CDH23: variants seen among roughly 807,000 people sequenced by gnomAD.
CDH23 encodes the protein cadherin-23.
In CDH23, 189 loss-of-function variants were observed where a neutral mutation model predicts 317.1. The ratio of observed to expected loss-of-function variants is 0.60; its 90% CI spans 0.53 to 0.67. The LOEUF is 0.67. Ranked by LOEUF, CDH23 falls within the 30% of genes least tolerant of loss-of-function variation. CDH23 has a pLI of 0.00. For missense variants in CDH23, 4,401 were observed against 4,592.4 expected, an observed-to-expected ratio of 0.96 and a Z score of 1.20; for synonymous variants, 1,839 against 1,876.8, an observed-to-expected ratio of 0.98 and a Z score of 0.52.
intron 2 of CDH23, among the ~76,000 whole-genome samples, chr10:71,443,320 G>C (rs913984348): frequency 6.6e-6 from 1 of 152,144 alleles, no homozygotes; most frequent in Non-Finnish European, 1.5e-5. Context: ...GATCCGGTGG[G>C]GACCTTCCCC....
At chr10:71,802,488 C>T (rs1341287263) in intron 53 of CDH23, among the ~76,000 whole-genome samples, 1 of 152,074 alleles carries the variant, frequency 6.6e-6, no homozygotes, top group Non-Finnish European at 1.5e-5. Flanking sequence ...TCAAGAGAAC[C>T]TTGGGGAATG....
rs1405491584 is a variant in CDH23 at position 71,675,104 on chromosome 10, T to A, written c.1450-8T>A. The A allele has an allele frequency of 6.2e-7, 1 of 1,613,580 alleles. No individual in the cohort carries two copies. Among genetic ancestry groups the A allele is most frequent in the Non-Finnish European group, 8.5e-7 (1 of 1,179,614 alleles). Reference sequence around the variant, plus strand: ...GGCAGTAATGACTTCTTGTTCTCGCTGTTGCAGGCAACTGACAATGATGCA... The same window carrying A: ...GGCAGTAATGACTTCTTGTTCTCGCAGTTGCAGGCAACTGACAATGATGCA... On this transcript the variant is annotated splice_region_variant and splice_polypyrimidine_tract_variant and intron_variant, in intron 14 of 69. Transcript: ENST00000224721.
chr10:71,459,324 G>A (rs983070387), intron 3 of CDH23, among the ~76,000 whole-genome samples: 1 of 151,954 alleles, frequency 6.6e-6, no homozygotes, highest in African/African-American at 2.4e-5. Context: ...TGAATCCTGA[G>A]CGCAAGCAGT....
At chr10:71,681,906 G>A (rs1430308859) in intron 17 of CDH23, among the ~76,000 whole-genome samples, 2 of 152,182 alleles carry the variant, frequency 1.3e-5, no homozygotes, top group African/African-American at 4.8e-5. Context: ...CCCAGTGCTG[G>A]GCAACTTCTG....
At chr10:71,614,460 C>G (rs1398208011) in intron 9 of CDH23, among the ~76,000 whole-genome samples, 1 of 152,186 alleles carries the variant, frequency 6.6e-6, no homozygotes, top group African/African-American at 2.4e-5. Context: ...GGTGGGGGCC[C>G]ATGCAGGACT....
chr10:71,574,950 A>C (rs1413745447), intron 8 of CDH23, among the ~76,000 whole-genome samples: 24 of 131,930 alleles, frequency 1.8e-4, no homozygotes, highest in South Asian at 5.0e-4. Context: ...GCCTCCCTCC[A>C]CCCCACCCCC....
At chr10:71,628,701 T>C (rs367883665) in intron 11 of CDH23, among the ~76,000 whole-genome samples, 7 of 152,300 alleles carry the variant, frequency 4.6e-5, no homozygotes, top group Non-Finnish European at 1.5e-5. Context: ...TTTCACCATG[T>C]CTACCAGGCT....
At position 71,751,267 on chromosome 10, in the gene CDH23, A is replaced by G; in HGVS notation, c.4845+9346A>G. The G allele has an allele frequency of 6.2e-7, 1 of 1,610,304 alleles. No homozygotes were observed. Among genetic ancestry groups the G allele is most frequent in the Non-Finnish European group, 8.5e-7 (1 of 1,177,982 alleles). ...CCCCAGCTGGGCTAGATGACCTCAA[A>G]GTTTGGAGAGTCAGGGACAGGGTCT... On this transcript the variant is annotated intron_variant, in intron 38 of 69. Coordinates refer to ENST00000224721, the MANE Select transcript of CDH23 (RefSeq NM_022124.6). The surrounding 1 kb of genome is among the most constrained non-coding windows in gnomAD (Gnocchi z 4.9).
At chr10:71,669,172 G>A (rs989275022) in intron 14 of CDH23, among the ~76,000 whole-genome samples, 10 of 152,210 alleles carry the variant, frequency 6.6e-5, no homozygotes, top group African/African-American at 2.4e-4. Context: ...TGATGGGGAG[G>A]CAGAGGCTTC....
chr10:71,735,246 G>A (rs549982391), intron 34 of CDH23, among the ~76,000 whole-genome samples: 5 of 152,288 alleles, frequency 3.3e-5, no homozygotes, highest in Admixed American at 1.3e-4. Context: ...GCCTGGGAGC[G>A]CTTAGGAAGG....
chr10:71,444,344 A>G lies in CDH23; in HGVS notation c.68-1974A>G, dbSNP rs987273135. On this transcript the variant is annotated intron_variant, in intron 2 of 69. Transcript: ENST00000224721. ...GGGTAAACTGAGACATGGGATGATC[A>G]TGTGGCTAGAAAGAGGCACAGGGAG... 5.3e-5 allele frequency among the ~76,000 whole-genome samples: 8 copies of G among 152,360 alleles called. No homozygotes were observed. In the East Asian group the frequency reaches 5.8e-4, roughly 11 times the overall value.
Position 71,784,924 on chromosome 10 carries a change from G to A in CDH23, c.5536G>A (p.Asp1846Asn), listed in dbSNP as rs746323558. 38 of 1,613,872 alleles carry A rather than the reference G, an allele frequency of 2.4e-5. No individual in the cohort carries two copies. Among genetic ancestry groups the A allele is most frequent in the Non-Finnish European group, 3.0e-5 (35 of 1,179,916 alleles). The change falls in exon 43 of 70, where the codon GAC (aspartate) becomes AAC (asparagine). Residue 1846 changes from aspartate to asparagine, a missense_variant. Physicochemically the swap from Asp to Asn is conservative, Grantham distance 23. This residue lies in a region of CDH23 where 3,068 missense variants were observed against 3,203.3 expected (regional missense o/e 0.96). Coordinates refer to ENST00000224721, the MANE Select transcript of CDH23 (RefSeq NM_022124.6). ...GGGGATCCGGGTGCTGGACATCAAC[G>A]ACAACGACCCTGTGCTGCTGAACCT... The part of the protein sequence containing the change: ...LVGIRVLDIN[D>N]NDPVLLNLPM...
At chr10:71,500,820 TC>T (rs779995557) in intron 3 of CDH23, among the ~76,000 whole-genome samples, 1 of 124,412 alleles carries the variant, frequency 8.0e-6, no homozygotes, top group Admixed American at 8.0e-5. Context: ...TTTTCTTTTC[TC>T]TTTCCTTTCC....
chr10:71,756,153 C>CA (rs1840141302), intron 38 of CDH23, among the ~76,000 whole-genome samples: 2 of 151,842 alleles, frequency 1.3e-5, no homozygotes, highest in African/African-American at 4.8e-5. Flanking sequence ...ATTAAACTAC[C>CA]AAAAAAAGTA....
intron 24 of CDH23, among the ~76,000 whole-genome samples, chr10:71,703,992 C>T (rs773311779): frequency 6.6e-6 from 1 of 152,158 alleles, no homozygotes; most frequent in African/African-American, 2.4e-5. Context: ...ACTGTGGCTC[C>T]CTGGTCCCAC....
At chr10:71,399,794 A>G (rs1435616868) in intron 1 of CDH23, among the ~76,000 whole-genome samples, 1 of 151,674 alleles carries the variant, frequency 6.6e-6, no homozygotes, top group Non-Finnish European at 1.5e-5. Context: ...ACCAACAAAA[A>G]CCCCTGCACA....
At chr10:71,551,814 G>A (rs1003147613) in intron 6 of CDH23, among the ~76,000 whole-genome samples, 12 of 152,112 alleles carry the variant, frequency 7.9e-5, no homozygotes, top group African/African-American at 2.9e-4. Context: ...CAAGGAATTG[G>A]ACCCTCTGCC....
intron 20 of CDH23, among the ~76,000 whole-genome samples, chr10:71,692,969 C>T (rs1452745400): frequency 6.6e-6 from 1 of 152,318 alleles, no homozygotes; most frequent in South Asian, 2.1e-4. Flanking sequence ...CACTAATCTC[C>T]ATTTTATAGA....
intron 1 of CDH23, among the ~76,000 whole-genome samples, chr10:71,420,376 A>G (rs1305378939): frequency 1.7e-5 from 1 of 58,302 alleles, no homozygotes; most frequent in African/African-American, 6.2e-5. Flanking sequence ...CCAGTAGTCT[A>G]TGCACACACA....
Sources: gnomAD v4.1 joint callset for allele counts (sites outside exome capture counted in the v4.1 genomes callset) on GRCh38, gnomAD v4.1.1 for gene constraint, gnomAD v4.1.1 regional missense constraint, Gnocchi (gnomAD v3.1) non-coding constraint, MANE v1.5 for transcripts, NCBI Gene and HGNC (gene_info 2026-07-23, HGNC 2026-07-21) for gene names.